TTC6: variants seen among roughly 807,000 people sequenced by gnomAD.
TTC6 encodes tetratricopeptide repeat protein 6.
Under a neutral mutation model 210.4 loss-of-function variants are expected in TTC6, and 172 were observed. The ratio of observed to expected loss-of-function variants is 0.82; its 90% CI spans 0.72 to 0.93. The LOEUF is 0.93. Among genes scored for constraint, TTC6 ranks in the 40% least tolerant of loss-of-function variants. TTC6 has a pLI of 0.00. For synonymous variants in TTC6, 804 were observed against 819.6 expected (o/e 0.98, Z 0.32); for missense variants, 2,414 against 2,318.1 (o/e 1.04, Z -0.85).
chr14:37,697,846 T>G (rs1455945020), intron 4 of TTC6, among the ~76,000 whole-genome samples: 1 of 151,312 alleles, frequency 6.6e-6, no homozygotes, highest in Non-Finnish European at 1.5e-5. Flanking sequence ...AACTTCTTGA[T>G]TTTTTTTTCT....
intron 1 of TTC6, among the ~76,000 whole-genome samples, chr14:37,630,364 T>C (rs532840416): frequency 2.0e-5 from 3 of 152,336 alleles, no homozygotes; most frequent in African/African-American, 7.2e-5. Flanking sequence ...GAGCAGGTTA[T>C]TGAGTTTCCA....
At chr14:37,745,333 A>G (rs2095932711) in intron 10 of TTC6, among the ~76,000 whole-genome samples, 1 of 152,172 alleles carries the variant, frequency 6.6e-6, no homozygotes, top group Non-Finnish European at 1.5e-5. Flanking sequence ...TGAAACAGGA[A>G]AGTAAAATGG....
intron 10 of TTC6, among the ~76,000 whole-genome samples, chr14:37,741,434 G>A (rs903457626): frequency 7.9e-5 from 12 of 151,362 alleles, no homozygotes; most frequent in Admixed American, 2.0e-4. Context: ...GAGTACAGGC[G>A]TGTGCCACCA....
chr14:37,741,422 G>T (rs1339566684), intron 10 of TTC6, among the ~76,000 whole-genome samples: 1 of 87,230 alleles, frequency 1.1e-5, no homozygotes, highest in Non-Finnish European at 2.8e-5. Flanking sequence ...CCAAGTAGCT[G>T]GGAGTACAGG....
At chr14:37,827,452 C>CA (rs1443454828) in intron 29 of TTC6, 86 bp downstream of exon 31, 23 of 1,306,166 alleles carry the variant, frequency 1.8e-5, no homozygotes, top group Non-Finnish European at 2.3e-5. Flanking sequence ...TTCATACAAT[C>CA]TCAGGCTAAT....
intron 14 of TTC6, among the ~76,000 whole-genome samples, chr14:37,784,753 CTGGTACTGGT>C (rs1297938243): frequency 1.3e-5 from 2 of 152,122 alleles, no homozygotes; most frequent in African/African-American, 4.8e-5. Context: ...TTTGCAGTGG[CTGGTACTGGT>C]TGTTCATATC....
intron 14 of TTC6, among the ~76,000 whole-genome samples, chr14:37,760,392 T>C (rs1211177734): frequency 6.6e-6 from 1 of 152,200 alleles, no homozygotes; most frequent in African/African-American, 2.4e-5. Context: ...AGAGGGGCAC[T>C]GGCCTGATTC....
At chr14:37,841,773 T>C in intron 30 of TTC6, 103 bp downstream of exon 32, 1 of 930,104 alleles carries the variant, frequency 1.1e-6, no homozygotes. Flanking sequence ...TAGATAAACT[T>C]ACATAAGAAT....
intron 29 of TTC6, among the ~76,000 whole-genome samples, chr14:37,828,926 G>A (rs1435660614): frequency 6.6e-6 from 1 of 151,740 alleles, no homozygotes; most frequent in African/African-American, 2.4e-5. Flanking sequence ...CTCTTGTAAT[G>A]CCTGCTTTGT....
intron 2 of TTC6, among the ~76,000 whole-genome samples, chr14:37,609,042 C>A (rs1287154354): frequency 6.6e-6 from 1 of 152,124 alleles, no homozygotes; most frequent in Non-Finnish European, 1.5e-5. Context: ...ATTATAATAT[C>A]AACAAGTTTG....
chr14:37,785,376 A>G (rs941012805), intron 14 of TTC6, among the ~76,000 whole-genome samples: 3 of 152,150 alleles, frequency 2.0e-5, no homozygotes, highest in Non-Finnish European at 4.4e-5. Context: ...TTGATCTTCA[A>G]TCACTGATAC....
chr14:37,616,014 G>T (rs2095642092), intron 2 of TTC6, among the ~76,000 whole-genome samples: 1 of 152,182 alleles, frequency 6.6e-6, no homozygotes, highest in Non-Finnish European at 1.5e-5. Flanking sequence ...CCTTTCTGAA[G>T]AATGTTGTTA....
chr14:37,831,901 T>C (rs2096186218), intron 29 of TTC6, among the ~76,000 whole-genome samples: 2 of 152,188 alleles, frequency 1.3e-5, no homozygotes, highest in African/African-American at 2.4e-5. Flanking sequence ...ACCCTGTTGA[T>C]TATTGCCATT....
intron 2 of TTC6, among the ~76,000 whole-genome samples, chr14:37,614,099 C>A (rs1024652164): frequency 6.6e-6 from 1 of 151,770 alleles, no homozygotes. Context: ...TATAAGTTTC[C>A]TTCTAAACAC....
intron 1 of TTC6, among the ~76,000 whole-genome samples, chr14:37,675,536 A>G (rs71404891): frequency 1.3e-5 from 2 of 152,064 alleles, no homozygotes; most frequent in Non-Finnish European, 2.9e-5. Context: ...CTATAGCATC[A>G]ATGTACAAAT....
intron 3 of TTC6, among the ~76,000 whole-genome samples, chr14:37,687,625 C>T (rs1004470639): frequency 6.6e-5 from 10 of 152,046 alleles, no homozygotes; most frequent in African/African-American, 1.7e-4. Context: ...CTTTGTTTTG[C>T]GTCTTACATA....
chr14:37,697,080 AAATAACT>A (rs1190766281), intron 4 of TTC6, among the ~76,000 whole-genome samples: 2 of 152,094 alleles, frequency 1.3e-5, no homozygotes, highest in Non-Finnish European at 2.9e-5. Flanking sequence ...TAGCTGGAAA[AAATAACT>A]GTTTGTGAGA....
intron 3 of TTC6, among the ~76,000 whole-genome samples, chr14:37,688,986 C>T (rs1232428491): frequency 6.6e-6 from 1 of 151,868 alleles, no homozygotes; most frequent in African/African-American, 2.4e-5. Flanking sequence ...AAGGGCCAAC[C>T]CTGAGAGAAA....
At chr14:37,699,051 G>A (rs1188373480) in intron 4 of TTC6, among the ~76,000 whole-genome samples, 2 of 152,140 alleles carry the variant, frequency 1.3e-5, no homozygotes, top group Admixed American at 1.3e-4. Flanking sequence ...GGACAGACCA[G>A]CATTAACCCT....
Sources: allele counts gnomAD v4.1 joint callset (sites outside exome capture counted in the v4.1 genomes callset), GRCh38; gene constraint gnomAD v4.1.1; transcripts MANE v1.5; gene names NCBI Gene and HGNC (gene_info 2026-07-23, HGNC 2026-07-21).